Variants in SFTPD observed in about 807,000 individuals in gnomAD.
SFTPD encodes the protein surfactant protein D.
SFTPD carries 18 observed loss-of-function variants against 34.6 expected under a neutral mutation model. The ratio of observed to expected loss-of-function variants is 0.52; its 90% CI spans 0.36 to 0.77. The LOEUF is 0.77. Ranked by LOEUF, SFTPD falls within the 30% of genes least tolerant of loss-of-function variation. The pLI is 0.00. For missense variants in SFTPD, 433 were observed against 468.9 expected (o/e 0.92, Z 0.71); for synonymous variants, 155 against 180.9 (o/e 0.86, Z 1.15).
At chr10:79,949,586 G>A (rs1358049196), upstream of SFTPD, among the ~76,000 whole-genome samples, 1 of 152,236 alleles carries the variant, frequency 6.6e-6, no homozygotes, top group Non-Finnish European at 1.5e-5. Context: ...GGCAGGTAGA[G>A]TGGCTGCAGA....
At chr10:79,970,811 C>T (rs566546520) in intron 1 of SFTPD, 8 of 152,216 alleles carry the variant, frequency 5.3e-5, no homozygotes, top group South Asian at 2.1e-4. Context: ...TCTGCAAACA[C>T]ATAAAATTTG....
At chr10:79,948,207 G>A (rs1340074934) in intron 1 of SFTPD, among the ~76,000 whole-genome samples, 1 of 152,256 alleles carries the variant, frequency 6.6e-6, no homozygotes, top group Non-Finnish European at 1.5e-5. Flanking sequence ...GCTCAATCAT[G>A]AGCAGCAAGG....
intron 1 of SFTPD, chr10:79,982,206 G>T: frequency 1.9e-6 from 1 of 527,428 alleles, no homozygotes; most frequent in Non-Finnish European, 2.9e-6. Flanking sequence ...ACGTACTGGG[G>T]CTCGGATCTA....
chr10:79,974,248 A>T (rs971997267), intron 1 of SFTPD, among the ~76,000 whole-genome samples: 1 of 152,074 alleles, frequency 6.6e-6, no homozygotes, highest in Non-Finnish European at 1.5e-5. Flanking sequence ...GCTCACTGCA[A>T]GCTCTGCCTC....
upstream of SFTPD, among the ~76,000 whole-genome samples, chr10:79,949,271 TGC>T (rs1842694336): frequency 6.6e-6 from 1 of 152,206 alleles, no homozygotes; most frequent in African/African-American, 2.4e-5. Context: ...CACAATACTA[TGC>T]ACATCCATCA....
chr10:79,947,076 C>T (rs1296655345), intron 1 of SFTPD, among the ~76,000 whole-genome samples: 1 of 152,242 alleles, frequency 6.6e-6, no homozygotes, highest in Admixed American at 6.5e-5. Context: ...CTGTCTGTAC[C>T]ACTGAGGCAA....
chr10:79,961,552 A>G (rs1842772879), intron 1 of SFTPD, among the ~76,000 whole-genome samples: 1 of 152,368 alleles, frequency 6.6e-6, no homozygotes. Flanking sequence ...AATGCTCGTC[A>G]TCACTGGCCA....
chr10:79,941,987 C>A lies in SFTPD; in HGVS notation c.517G>T (p.Glu173Ter). The part of the protein sequence containing the change: ...GPKGERGVPG[E>*]RGVPGNTGAA... ...CCTGTGTTTCCAGGGACTCCACGCT[C>A]ACCAGGGACACCTCGCTCTCCCTTA... The change falls in exon 5 of 8, where the codon GAG becomes TAG. Residue 173 changes from glutamate (E) to a stop codon, truncating the protein, a stop_gained. Transcript: ENST00000372292. LOFTEE classifies it high-confidence loss of function. The A allele has an allele frequency of 6.2e-7, 1 of 1,613,944 alleles. No homozygotes were observed. The highest frequency in any genetic ancestry group is 8.5e-7 in the Non-Finnish European group (1 of 1,179,842).
chr10:79,942,298 C>T, intron 4 of SFTPD, 90 bp downstream of exon 4: 1 of 914,528 alleles, frequency 1.1e-6, no homozygotes, highest in Middle Eastern at 3.0e-4. Flanking sequence ...CTGGGCTCTC[C>T]CTGGCACTCT....
At chr10:79,981,871 A>T in intron 1 of SFTPD, 1 of 251,348 alleles carries the variant, frequency 4.0e-6, no homozygotes, top group Non-Finnish European at 7.7e-6. Context: ...AGAGGCAGCC[A>T]CACGGACACC....
rs193033427 is a variant in SFTPD, at chr10:79,938,832, T to C, written c.752-604A>G. On this transcript the variant is annotated intron_variant, in intron 7 of 7. Transcript: ENST00000372292. ...AATCTCTGCTCTGGGTCTGGCCTCA[T>C]GTCGGCCTCTTAGTATGCACATGGA... Among the ~76,000 whole-genome samples the C allele has an allele frequency of 2.0e-4, 30 of 152,322 alleles. 1 individual carries two copies. The highest frequency in any genetic ancestry group is 6.8e-3 in the Middle Eastern group (2 of 294).
chr10:79,942,424 C>T lies in SFTPD; in HGVS notation c.397G>A (p.Gly133Ser), dbSNP rs747938420. The T allele has an allele frequency of 2.0e-5, 33 of 1,613,352 alleles. No individual in the cohort carries two copies. Among genetic ancestry groups the T allele is most frequent in the Non-Finnish European group, 2.6e-5 (31 of 1,179,504 alleles). The change falls in exon 4 of 8, where the codon GGC (glycine) becomes AGC (serine). Residue 133 changes from glycine (G) to serine (S), a missense_variant. Gly to Ser is a moderately conservative substitution (Grantham distance 56). Coordinates refer to ENST00000372292, the MANE Select transcript of SFTPD (RefSeq NM_003019.5). The stretch of plus-strand genomic sequence containing the variant: ...GCTTCTCCTTTTGGGCCTGGCTTGC[C>T]CTGAGGTCCTATGTTCCCCTGCTTC... Reference protein sequence around the residue: ...LGKQGNIGPQGKPGPKGEAGP... With the variant: ...LGKQGNIGPQSKPGPKGEAGP...
intron 1 of SFTPD, among the ~76,000 whole-genome samples, chr10:79,974,680 C>T (rs925551506): frequency 9.8e-5 from 15 of 152,318 alleles, no homozygotes; most frequent in South Asian, 6.2e-4. Flanking sequence ...TCAACAATCC[C>T]GTCACCTCTC....
Position 79,946,518 on chromosome 10 carries a change from G to C in SFTPD, c.142C>G (p.Pro48Ala). 1 of 1,614,162 alleles carries C rather than the reference G, an allele frequency of 6.2e-7. No individual in the cohort carries two copies. Among genetic ancestry groups the C allele is most frequent in the Non-Finnish European group, 8.5e-7 (1 of 1,180,010 alleles). ...CTCCCATCCCGTCCATCGCGACCAG[G>C]CAGGCCACTCTCCACTGAGCTACAC... Reference protein sequence around the residue: ...VMCSSVESGLPGRDGRDGREG... With the variant: ...VMCSSVESGLAGRDGRDGREG... Residue 48 changes from proline (P) to alanine (A), a missense_variant, in exon 2 of 8, where the codon CCT (proline) becomes GCT (alanine). Coordinates refer to ENST00000372292, the MANE Select transcript of SFTPD (RefSeq NM_003019.5).
intron 2 of SFTPD, among the ~76,000 whole-genome samples, chr10:79,946,042 T>A (rs1344746110): frequency 1.3e-5 from 2 of 151,206 alleles, no homozygotes; most frequent in Non-Finnish European, 2.9e-5. Context: ...GGCTTGAGAA[T>A]GGAGCCATGG....
chr10:79,937,758 A>C lies in SFTPD; in HGVS notation c.*94T>G. 2 of 1,339,738 alleles carry C rather than the reference A, an allele frequency of 1.5e-6. No homozygotes were observed. Among genetic ancestry groups the C allele is most frequent in the Non-Finnish European group, 2.0e-6 (2 of 991,252 alleles). 83.0% of individuals were successfully genotyped at this position (1,339,738 alleles called of 1,614,324 possible). ...GAAGTCCTTCCCGGCACAGATGGTC[A>C]CCTTTTTATTAGGATATTGGCAGCA... On this transcript the variant is annotated 3_prime_UTR_variant, in exon 8 of 8. Transcript: ENST00000372292.
At chr10:79,942,173 G>A in intron 4 of SFTPD, 103 bp from the exon 5 acceptor site, 1 of 830,912 alleles carries the variant, frequency 1.2e-6, no homozygotes, top group Admixed American at 2.1e-5. Context: ...GGGTCAGAGA[G>A]AGAAGTGGGG....
chr10:79,964,271 T>C (rs1274611375), intron 1 of SFTPD, among the ~76,000 whole-genome samples: 2 of 152,238 alleles, frequency 1.3e-5, no homozygotes, highest in Admixed American at 1.3e-4. Flanking sequence ...CTATCATTAA[T>C]GCCTCTTTAA....
At chr10:79,946,743 G>A in intron 1 of SFTPD, 81 bp from the exon 2 acceptor site, 1 of 1,278,404 alleles carries the variant, frequency 7.8e-7, no homozygotes, top group Non-Finnish European at 1.1e-6. Context: ...TTCTAGAGGT[G>A]ACAAGAAGCC....
Sources: gnomAD v4.1 joint callset for allele counts (sites outside exome capture counted in the v4.1 genomes callset) on GRCh38, gnomAD v4.1.1 for gene constraint, MANE v1.5 for transcripts, NCBI Gene and HGNC (gene_info 2026-07-23, HGNC 2026-07-21) for gene names.